The following NARS2 variants were observed in gnomAD, a reference collection of about 807,000 sequenced individuals.
The protein encoded by NARS2 is asparaginyl-tRNA synthetase 2, mitochondrial, also known as asparaginyl-tRNA synthetase.
NARS2 carries 60 observed loss-of-function variants against 62.9 expected under a neutral mutation model. That is an observed-to-expected ratio of 0.95 (90% CI 0.77 to 1.18). The LOEUF is 1.18. Among genes scored for constraint, NARS2 ranks in the 50% most tolerant of loss-of-function variants. The pLI, the probability that NARS2 is intolerant of heterozygous loss-of-function variation, is 0.00. For missense variants in NARS2, 619 were observed against 576.4 expected (o/e 1.07, Z -0.76); for synonymous variants, 196 against 200.0 (o/e 0.98, Z 0.17).
At chr11:78,455,419 C>A (rs1858124178) in intron 11 of NARS2, among the ~76,000 whole-genome samples, 1 of 152,080 alleles carries the variant, frequency 6.6e-6, no homozygotes, top group Non-Finnish European at 1.5e-5. Flanking sequence ...AAAAAGTACA[C>A]AAATAACTAG....
At chr11:78,495,211 T>C (rs1860007628) in intron 6 of NARS2, among the ~76,000 whole-genome samples, 1 of 152,204 alleles carries the variant, frequency 6.6e-6, no homozygotes, top group Non-Finnish European at 1.5e-5. Context: ...AACTCAGTTC[T>C]TTCCCACACA....
At chr11:78,520,159 A>G (rs7122720) in intron 6 of NARS2, among the ~76,000 whole-genome samples, 7,477 of 152,292 alleles carry the variant, frequency 0.049, 588 homozygotes, top group African/African-American at 0.16. Flanking sequence ...TGTTGGCTTA[A>G]AACAACAGAA....
At chr11:78,486,773 A>G (rs1439936467) in intron 7 of NARS2, among the ~76,000 whole-genome samples, 1 of 152,200 alleles carries the variant, frequency 6.6e-6, no homozygotes, top group Admixed American at 6.5e-5. Flanking sequence ...AAAATAACCA[A>G]CAGACACATA....
chr11:78,570,693 T>C (rs1295335973), intron 2 of NARS2, among the ~76,000 whole-genome samples: 1 of 152,230 alleles, frequency 6.6e-6, no homozygotes, highest in Non-Finnish European at 1.5e-5. Context: ...GTGTTAGTTT[T>C]AAAACCTGAT....
chr11:78,517,509 A>AT (rs1168282432), intron 6 of NARS2, among the ~76,000 whole-genome samples: 2 of 151,996 alleles, frequency 1.3e-5, no homozygotes, highest in Non-Finnish European at 2.9e-5. Context: ...CACTCCAACA[A>AT]TTTTTCATTA....
In NARS2 at chr11:78,443,748, A is replaced by T; in HGVS notation, c.1175T>A (p.Val392Asp). The T allele has an allele frequency of 6.2e-7, 1 of 1,612,834 alleles. No homozygotes were observed. Among genetic ancestry groups the T allele is most frequent in the Non-Finnish European group, 8.5e-7 (1 of 1,179,000 alleles). ...CCCAACTCCAGGAACCAGAAGATCA[A>T]CAGCAGCAACCTAAGGAAAAAAAAA... Reference protein sequence around the residue: ...EDGPQHTVAAVDLLVPGVGEL... With the variant: ...EDGPQHTVAADDLLVPGVGEL... The change falls in exon 12 of 14, where the codon GTT becomes GAT. Residue 392 changes from valine to aspartate, a missense_variant. Physicochemically the swap from Val to Asp is radical, Grantham distance 152. Transcript: ENST00000281038.
intron 4 of NARS2, among the ~76,000 whole-genome samples, chr11:78,563,829 CAAAAA>C (rs1167838676): frequency 6.4e-4 from 9 of 14,122 alleles, no homozygotes; most frequent in Admixed American, 1.5e-3. Flanking sequence ...AACTCTGTAT[CAAAAA>C]AAAAAAAAAA....
At chr11:78,461,942 G>C (rs922215455) in intron 11 of NARS2, among the ~76,000 whole-genome samples, 5 of 152,142 alleles carry the variant, frequency 3.3e-5, no homozygotes, top group African/African-American at 1.2e-4. Flanking sequence ...GACAGAGCAA[G>C]ATTCCGTCTT....
chr11:78,460,707 A>AG (rs1164164223), intron 11 of NARS2, among the ~76,000 whole-genome samples: 27 of 152,290 alleles, frequency 1.8e-4, no homozygotes, highest in African/African-American at 6.0e-4. Flanking sequence ...CTGGGAGGAG[A>AG]GGAGAAATCA....
chr11:78,468,030 G>T (rs78390692), intron 10 of NARS2, among the ~76,000 whole-genome samples: 6 of 135,566 alleles, frequency 4.4e-5, no homozygotes, highest in Non-Finnish European at 7.8e-5. Context: ...TGTTTATCAA[G>T]TAAGTATTGA....
chr11:78,460,427 ACT>A (rs1858351008), intron 11 of NARS2, among the ~76,000 whole-genome samples: 1 of 152,004 alleles, frequency 6.6e-6, no homozygotes, highest in Admixed American at 6.6e-5. Context: ...TTTTATAAAA[ACT>A]CACACTAAAA....
chr11:78,476,217 G>C (rs1354858562), intron 9 of NARS2, among the ~76,000 whole-genome samples: 3 of 152,288 alleles, frequency 2.0e-5, no homozygotes, highest in South Asian at 4.1e-4. Flanking sequence ...TGCTACTGCT[G>C]GCAGGAACAC....
At position 78,456,845 on chromosome 11, in the gene NARS2, G is replaced by T. The variant is rs190967742; in HGVS notation, c.1164+9031C>A. 2.0e-4 allele frequency among the ~76,000 whole-genome samples: 30 copies of T among 152,318 alleles called. No homozygotes were observed. In the East Asian group the frequency reaches 5.6e-3, roughly 28 times the overall value. The stretch of plus-strand genomic sequence containing the variant: ...ACTTACCTGGAGACCAGCCTCAGAG[G>T]CATATGGCATTTTGCATATTTGCTT... On this transcript the variant is annotated intron_variant, in intron 11 of 13. Coordinates refer to ENST00000281038, the MANE Select transcript of NARS2 (RefSeq NM_024678.6).
intron 5 of NARS2, among the ~76,000 whole-genome samples, chr11:78,534,828 G>C (rs1265289027): frequency 6.6e-6 from 1 of 152,084 alleles, no homozygotes; most frequent in East Asian, 1.9e-4. Context: ...TCTGAGCGAG[G>C]ACACAAATTT....
In NARS2 at chr11:78,559,582, G is replaced by A; in HGVS notation, c.551C>T (p.Thr184Ile). The A allele has an allele frequency of 6.2e-7, 1 of 1,613,340 alleles. No individual in the cohort carries two copies. Among genetic ancestry groups the A allele is most frequent in the Non-Finnish European group, 8.5e-7 (1 of 1,179,530 alleles). The change falls in exon 5 of 14, where the codon ACA becomes ATA. Residue 184 changes from threonine (T) to isoleucine (I), a missense_variant. Coordinates refer to ENST00000281038, the MANE Select transcript of NARS2 (RefSeq NM_024678.6). ...GFVHIHTPII[T>I]SNDSEGAGEL... ...TCCAGCTCCCTCAGAGTCATTGGAT[G>A]TGATTATTGGAGTATGAATATGTAC... is the stretch of plus-strand genomic sequence containing the variant.
intron 1 of NARS2, among the ~76,000 whole-genome samples, chr11:78,572,602 C>T (rs978387571): frequency 4.6e-5 from 7 of 152,174 alleles, no homozygotes; most frequent in South Asian, 2.1e-4. Flanking sequence ...TTCTCAGTTA[C>T]GTAACTTCCT....
intron 7 of NARS2, among the ~76,000 whole-genome samples, chr11:78,491,661 G>A (rs1277586077): frequency 6.6e-6 from 1 of 152,128 alleles, no homozygotes; most frequent in Non-Finnish European, 1.5e-5. Context: ...AGAAGCTAAG[G>A]CCTCTGTTTG....
intron 9 of NARS2, among the ~76,000 whole-genome samples, chr11:78,476,661 C>T (rs988020095): frequency 6.6e-5 from 10 of 152,148 alleles, no homozygotes; most frequent in Admixed American, 5.9e-4. Flanking sequence ...TGTCCCTCTC[C>T]CCACAAATTT....
In NARS2 at chr11:78,571,357, C is replaced by T; in HGVS notation, c.229G>A (p.Ala77Thr). ...CACCTACTGTCAAGGCCTGAATCTG[C>T]AACAACCTGAAGGCTTTCCAAAGAT... The part of the protein sequence containing the change: ...GSSLESLQVV[A>T]DSGLDSRELN... Residue 77 changes from alanine to threonine, a missense_variant, in exon 2 of 14, where the codon GCA becomes ACA. Ala to Thr is a moderately conservative substitution (Grantham distance 58). Coordinates refer to ENST00000281038, the MANE Select transcript of NARS2 (RefSeq NM_024678.6). The T allele has an allele frequency of 6.2e-7, 1 of 1,613,182 alleles. No homozygotes were observed. The highest frequency in any genetic ancestry group is 1.3e-5 in the African/African-American group (1 of 74,904).
Sources: gnomAD v4.1 joint callset for allele counts (sites outside exome capture counted in the v4.1 genomes callset) on GRCh38, gnomAD v4.1.1 for gene constraint, MANE v1.5 for transcripts, NCBI Gene and HGNC (gene_info 2026-07-23, HGNC 2026-07-21) for gene names.